The following CALN1 variants were observed in gnomAD, a reference collection of about 807,000 sequenced individuals.
The protein encoded by CALN1 is calcium-binding protein 8.
Under a neutral mutation model 30.6 loss-of-function variants are expected in CALN1, and 17 were observed. The observed-to-expected ratio is 0.56, with a 90% CI of 0.38 to 0.83. The LOEUF (loss-of-function observed/expected upper bound fraction) is 0.83. Among genes scored for constraint, CALN1 ranks in the 40% least tolerant of loss-of-function variants. The pLI is 0.00. For synonymous variants in CALN1, 156 were observed against 131.4 expected (o/e 1.19, Z -1.28); for missense variants, 291 against 354.9 (o/e 0.82, Z 1.45).
At chr7:71,941,827 A>G (rs188700378) in intron 5 of CALN1, among the ~76,000 whole-genome samples, 1 of 152,314 alleles carries the variant, frequency 6.6e-6, no homozygotes, top group Non-Finnish European at 1.5e-5. Context: ...GTAAGGGGCC[A>G]TGAGTGAGAA....
chr7:71,925,740 C>T (rs533272264), intron 5 of CALN1, among the ~76,000 whole-genome samples: 1 of 152,084 alleles, frequency 6.6e-6, no homozygotes, highest in South Asian at 2.1e-4. Flanking sequence ...TCCCTTTGAG[C>T]ATTTCTCCTT....
intron 5 of CALN1, among the ~76,000 whole-genome samples, chr7:71,813,398 AC>A (rs1369583067): frequency 1.3e-5 from 2 of 152,190 alleles, no homozygotes; most frequent in Non-Finnish European, 2.9e-5. Flanking sequence ...AAGTAATAAT[AC>A]AGCCCTATTG....
At chr7:72,226,020 CG>C (rs1029135199) in intron 3 of CALN1, among the ~76,000 whole-genome samples, 1 of 148,156 alleles carries the variant, frequency 6.7e-6, no homozygotes, top group African/African-American at 2.5e-5. Context: ...CACTTGAACC[CG>C]GGAGGCAGGG....
intron 4 of CALN1, among the ~76,000 whole-genome samples, chr7:72,072,697 G>T (rs1164134070): frequency 1.3e-5 from 2 of 152,248 alleles, no homozygotes; most frequent in East Asian, 3.9e-4. Flanking sequence ...TTTTTTAAAA[G>T]AAATTATCAA....
intron 3 of CALN1, among the ~76,000 whole-genome samples, chr7:72,195,712 G>C (rs963409259): frequency 3.3e-5 from 5 of 152,008 alleles, no homozygotes; most frequent in African/African-American, 1.2e-4. Context: ...ACCCATTCTT[G>C]GTGGCTAACA....
Position 72,333,275 on chromosome 7 carries a change from A to C in CALN1, c.120-54465T>G, listed in dbSNP as rs117590451. On this transcript the variant is annotated intron_variant, in intron 2 of 6. Transcript: ENST00000395275. ...TAACACATGGTCTGGCCTCCCCACT[A>C]ATCTGTGAATTTTTTGATGACAGGC... Among the ~76,000 whole-genome samples, 269 of 152,296 alleles carry C rather than the reference A, an allele frequency of 1.8e-3. 2 individuals are homozygous for C. Among genetic ancestry groups the C allele is most frequent in the Non-Finnish European group, 3.4e-3 (230 of 68,018 alleles).
At chr7:72,345,728 A>C (rs1802610971) in intron 2 of CALN1, among the ~76,000 whole-genome samples, 1 of 152,198 alleles carries the variant, frequency 6.6e-6, no homozygotes, top group Admixed American at 6.5e-5. Flanking sequence ...TACATGCATT[A>C]AGATTAAGGG....
chr7:72,252,446 A>T (rs1483784177), intron 3 of CALN1, among the ~76,000 whole-genome samples: 1 of 152,032 alleles, frequency 6.6e-6, no homozygotes, highest in African/African-American at 2.4e-5. Flanking sequence ...CTAAAAATAC[A>T]ATAAAAAATT....
At chr7:71,939,404 A>G (rs982659933) in intron 5 of CALN1, among the ~76,000 whole-genome samples, 1 of 35,168 alleles carries the variant, frequency 2.8e-5, no homozygotes, top group Non-Finnish European at 6.8e-5. Context: ...CTAAAAATAC[A>G]AAAAAAAAAA....
chr7:72,053,221 C>A (rs1370009526), intron 4 of CALN1, among the ~76,000 whole-genome samples: 7 of 152,154 alleles, frequency 4.6e-5, no homozygotes, highest in Non-Finnish European at 1.0e-4. Context: ...CAGAGCGAGA[C>A]TCTGTCTCAA....
chr7:72,478,826 C>T, the CALN1 span, among the ~76,000 whole-genome samples: 2 of 151,364 alleles, frequency 1.3e-5, no homozygotes, highest in Non-Finnish European at 2.9e-5. Context: ...TTGCGTGTCC[C>T]TAAAAACTAA....
At chr7:72,345,090 A>C (rs1239133176) in intron 2 of CALN1, among the ~76,000 whole-genome samples, 3 of 148,748 alleles carry the variant, frequency 2.0e-5, no homozygotes, top group Admixed American at 6.7e-5. Context: ...ATAATTATAC[A>C]TGTTATATAA....
At chr7:72,142,293 C>T (rs147462141) in intron 3 of CALN1, among the ~76,000 whole-genome samples, 37 of 152,284 alleles carry the variant, frequency 2.4e-4, no homozygotes, top group Admixed American at 5.9e-4. Flanking sequence ...GCTTTTCTGA[C>T]GGTCTTAGCA....
At chr7:72,344,580 T>A (rs922265920) in intron 2 of CALN1, among the ~76,000 whole-genome samples, 2 of 147,372 alleles carry the variant, frequency 1.4e-5, no homozygotes, top group African/African-American at 4.9e-5. Context: ...ATTTATATAT[T>A]CTATTTATAT....
intron 5 of CALN1, among the ~76,000 whole-genome samples, chr7:71,873,097 G>A (rs925004210): frequency 8.9e-5 from 13 of 146,632 alleles, no homozygotes; most frequent in South Asian, 2.1e-4. Flanking sequence ...TTTGCCTCCC[G>A]GATTCAAGCG....
At chr7:72,463,972 G>A in the CALN1 span, among the ~76,000 whole-genome samples, 5 of 109,318 alleles carry the variant, frequency 4.6e-5, no homozygotes, top group Non-Finnish European at 8.4e-5. Flanking sequence ...AGGAAGGAAG[G>A]AAGGAAGGGA....
intron 5 of CALN1, among the ~76,000 whole-genome samples, chr7:71,902,268 T>C (rs796546119): frequency 2.5e-3 from 149 of 59,720 alleles, no homozygotes; most frequent in African/African-American, 8.1e-3. Context: ...AACCAACCAA[T>C]CAAAAAAAAA....
intron 3 of CALN1, among the ~76,000 whole-genome samples, chr7:72,174,344 T>C (rs1167790710): frequency 6.6e-6 from 1 of 152,138 alleles, no homozygotes; most frequent in African/African-American, 2.4e-5. Flanking sequence ...AAAAGTCAAA[T>C]ATCCATCTAT....
chr7:72,298,764 C>G (rs1301719240), intron 2 of CALN1, among the ~76,000 whole-genome samples: 1 of 147,874 alleles, frequency 6.8e-6, no homozygotes, highest in Non-Finnish European at 1.5e-5. Flanking sequence ...CTGCACTGTT[C>G]TTGTGATAGT....
Sources: gnomAD v4.1 joint callset for allele counts (sites outside exome capture counted in the v4.1 genomes callset) on GRCh38, gnomAD v4.1.1 for gene constraint, MANE v1.5 for transcripts, NCBI Gene and HGNC (gene_info 2026-07-23, HGNC 2026-07-21) for gene names.